DNAH11: variants seen among roughly 807,000 people sequenced by gnomAD.
The protein encoded by DNAH11 is dynein axonemal heavy chain 11, also known as axonemal beta dynein heavy chain 11.
DNAH11 carries 442 observed loss-of-function variants against 526.0 expected under a neutral mutation model. That is an observed-to-expected ratio of 0.84 (90% CI 0.78 to 0.91). The LOEUF is 0.91. Ranked by LOEUF, DNAH11 falls within the 40% of genes least tolerant of loss-of-function variation. The pLI is 0.00. For synonymous variants in DNAH11, 2,461 were observed against 1,935.9 expected (o/e 1.27, Z -7.12); for missense variants, 6,989 against 5,448.7 (o/e 1.28, Z -8.90).
chr7:21,680,560 G>T (rs1783096643), intron 30 of DNAH11, among the ~76,000 whole-genome samples: 1 of 152,086 alleles, frequency 6.6e-6, no homozygotes. Flanking sequence ...AGTCAAAACG[G>T]AAATAAAACA....
intron 42 of DNAH11, among the ~76,000 whole-genome samples, chr7:21,714,621 C>T (rs942076824): frequency 6.6e-6 from 1 of 152,088 alleles, no homozygotes; most frequent in African/African-American, 2.4e-5. Context: ...TCGTAAGTCT[C>T]AGTTTTCACC....
intron 2 of DNAH11, among the ~76,000 whole-genome samples, chr7:21,550,124 C>T (rs912496978): frequency 2.4e-4 from 19 of 80,626 alleles, no homozygotes; most frequent in Non-Finnish European, 2.5e-4. Flanking sequence ...ACTTTACATT[C>T]GTCTTTTTTT....
chr7:21,750,117 T>C (rs2128493065), intron 53 of DNAH11, 105 bp from the exon 54 acceptor site: 1 of 1,373,230 alleles, frequency 7.3e-7, no homozygotes, highest in Middle Eastern at 1.9e-4. Flanking sequence ...ACTCTTACCA[T>C]TTATGCTGAA....
intron 41 of DNAH11, 35 bp downstream of exon 41, chr7:21,710,738 A>G: frequency 1.3e-6 from 2 of 1,586,080 alleles, no homozygotes; most frequent in African/African-American, 2.7e-5. Flanking sequence ...CTTAAATATA[A>G]CATCCTGAGT....
At chr7:21,835,250 G>C (rs546099867) in intron 65 of DNAH11, among the ~76,000 whole-genome samples, 91 of 147,740 alleles carry the variant, frequency 6.2e-4, no homozygotes, top group African/African-American at 2.2e-3. Context: ...AACAGAGGGA[G>C]TTCTTCCAAA....
At chr7:21,880,176 A>T (rs1371108021) in intron 74 of DNAH11, among the ~76,000 whole-genome samples, 1 of 152,158 alleles carries the variant, frequency 6.6e-6, no homozygotes, top group African/African-American at 2.4e-5. Context: ...TGGAAGTTAT[A>T]CACAACACTT....
At chr7:21,559,463 T>C (rs1783357869) in intron 3 of DNAH11, 140 bp from the exon 4 acceptor site, 2 of 718,064 alleles carry the variant, frequency 2.8e-6, no homozygotes, top group South Asian at 4.3e-5. Context: ...ACAACTCAAA[T>C]CAAGACCATA....
Position 21,864,563 on chromosome 7 carries a change from C to T in DNAH11, c.11402C>T (p.Pro3801Leu). The change falls in exon 70 of 82, where the codon CCT becomes CTT. Residue 3801 changes from proline (P) to leucine (L), a missense_variant. Pro to Leu is a moderately conservative substitution (Grantham distance 98, BLOSUM62 -3). Transcript: ENST00000409508. ...TTGTTGAGAAAGAAAGAGATAGACCCTCTTGAATTGGATTTCCTGCTTCGA... is the reference window on the plus strand; with the variant it reads ...TTGTTGAGAAAGAAAGAGATAGACCTTCTTGAATTGGATTTCCTGCTTCGA... ...QILLRKKEID[P>L]LELDFLLRFT... 6.2e-7 allele frequency: 1 copy of T among 1,611,808 alleles called. No homozygotes were observed. The highest frequency in any genetic ancestry group is 8.5e-7 in the Non-Finnish European group (1 of 1,178,868).
At chr7:21,749,304 A>G (rs2072217) in intron 52 of DNAH11, among the ~76,000 whole-genome samples, 88,890 of 152,070 alleles carry the variant, frequency 0.58, 27,058 homozygotes, top group Non-Finnish European at 0.67. Context: ...TACTAATGAA[A>G]TAAACCCGTT....
rs778597990 is a variant in DNAH11, at chr7:21,635,826, C to T, written c.4501-45C>T. ...GTGCCTCCCTCATAGCACTCACATT[C>T]TACTAAATTTAGCTACTATTTAAAA... On this transcript the variant is annotated intron_variant, in intron 25 of 81. Coordinates refer to ENST00000409508, the MANE Select transcript of DNAH11 (RefSeq NM_001277115.2). The T allele has an allele frequency of 2.0e-6, 3 of 1,497,736 alleles. 1 individual carries two copies. In the South Asian group the frequency reaches 3.8e-5, roughly 19 times the overall value. 92.8% of individuals were successfully genotyped at this position (1,497,736 alleles called of 1,614,324 possible).
intron 63 of DNAH11, among the ~76,000 whole-genome samples, chr7:21,813,990 C>A (rs1789650335): frequency 6.6e-6 from 1 of 152,160 alleles, no homozygotes; most frequent in Admixed American, 6.5e-5. Flanking sequence ...TTGCATAGAC[C>A]TAGATGAGAC....
At position 21,895,010 on chromosome 7, in the gene DNAH11, C is replaced by T. The variant is rs780008438; in HGVS notation, c.13049+11C>T. 6.2e-7 allele frequency: 1 copy of T among 1,609,186 alleles called. No homozygotes were observed. The highest frequency in any genetic ancestry group is 1.1e-5 in the South Asian group (1 of 90,948). On this transcript the variant is annotated intron_variant, in intron 79 of 81. Coordinates refer to ENST00000409508, the MANE Select transcript of DNAH11 (RefSeq NM_001277115.2). ...TGGCCTAGCCCAGTGGTAAGCTACC[C>T]CATCCTCACTGCCACTGGCCCTGAG...
At chr7:21,846,706 A>C (rs1306241721) in intron 66 of DNAH11, among the ~76,000 whole-genome samples, 1 of 152,126 alleles carries the variant, frequency 6.6e-6, no homozygotes, top group Non-Finnish European at 1.5e-5. Context: ...TTTTGGTCTT[A>C]GGGTAATGCT....
At chr7:21,756,612 A>G (rs1786652577) in intron 54 of DNAH11, among the ~76,000 whole-genome samples, 1 of 152,102 alleles carries the variant, frequency 6.6e-6, no homozygotes, top group South Asian at 2.1e-4. Context: ...AATATTGAGT[A>G]TTTTTGTTCA....
chr7:21,863,081 AAAAAG>A (rs1783130802), intron 69 of DNAH11, among the ~76,000 whole-genome samples: 3 of 18,440 alleles, frequency 1.6e-4, no homozygotes, highest in Non-Finnish European at 5.7e-4. Context: ...AAAAAAAAAG[AAAAAG>A]AAAAGAAAAA....
intron 65 of DNAH11, among the ~76,000 whole-genome samples, chr7:21,826,111 C>T (rs1301507428): frequency 1.3e-5 from 2 of 152,252 alleles, no homozygotes; most frequent in South Asian, 2.1e-4. Flanking sequence ...CAGACTTCAC[C>T]ACCACACAAT....
intron 9 of DNAH11, among the ~76,000 whole-genome samples, chr7:21,583,867 A>G (rs1267250625): frequency 6.6e-6 from 1 of 152,210 alleles, no homozygotes; most frequent in African/African-American, 2.4e-5. Context: ...GCAAATCAAA[A>G]CCGTAATGAC....
intron 66 of DNAH11, chr7:21,851,247 C>T (rs1445801177): frequency 4.4e-6 from 1 of 225,610 alleles, no homozygotes; most frequent in African/African-American, 2.3e-5. Flanking sequence ...AGGGGCTTTT[C>T]CCCCTTTGCT....
chr7:21,848,106 G>A (rs1782487801), intron 66 of DNAH11, among the ~76,000 whole-genome samples: 2 of 149,774 alleles, frequency 1.3e-5, no homozygotes, highest in African/African-American at 5.0e-5. Flanking sequence ...GGTAGAGCTT[G>A]CAGTGAGCTG....
Sources: allele counts gnomAD v4.1 joint callset (sites outside exome capture counted in the v4.1 genomes callset), GRCh38; gene constraint gnomAD v4.1.1; transcripts MANE v1.5; gene names NCBI Gene and HGNC (gene_info 2026-07-23, HGNC 2026-07-21).